TELO2: variants seen among roughly 807,000 people sequenced by gnomAD.
TELO2 encodes telomere length regulation protein TEL2 homolog.
A neutral mutation model predicts 91.0 loss-of-function variants in TELO2; 71 were observed. The ratio of observed to expected loss-of-function variants is 0.78; its 90% confidence interval spans 0.64 to 0.95. The LOEUF is 0.95. TELO2 is among the 40% of genes least tolerant of loss of function. TELO2 has a pLI of 0.00. For synonymous variants in TELO2, 584 were observed against 518.9 expected (o/e 1.13, Z -1.71); for missense variants, 1,183 against 1,141.3 (o/e 1.04, Z -0.53).
Position 1,509,849 on chromosome 16 carries a change from G to A in TELO2, c.2427G>A (p.Pro809=), listed in dbSNP as rs1459064707. 3.0e-5 allele frequency: 48 copies of A among 1,612,224 alleles called. No individual in the cohort carries two copies. Among genetic ancestry groups the A allele is most frequent in the Non-Finnish European group, 3.1e-5 (36 of 1,179,740 alleles). The change falls in exon 21 of 21, where the codon CCG becomes CCA. Residue 809 remains proline, a synonymous_variant. Transcript: ENST00000262319. ...SWLADVAEKD[P]DEDCRTLALR... is the part of the protein sequence containing the mutation. ...TGGCAGACGTGGCTGAGAAAGACCC[G>A]GACGAGGACTGCAGGACGCTGGCAC...
Position 1,497,375 on chromosome 16 carries a change from G to T in TELO2, c.697G>T (p.Val233Leu). 6.5e-7 allele frequency: 1 copy of T among 1,548,134 alleles called. No individual in the cohort carries two copies. The highest frequency in any genetic ancestry group is 8.7e-7 in the Non-Finnish European group (1 of 1,145,990). ...TGTCCCCTCAGAGGAGATCCTGGGCGTGCTGGTACCCCGGCTGGCAGCGCT... is the reference window on the plus strand; with the variant it reads ...TGTCCCCTCAGAGGAGATCCTGGGCTTGCTGGTACCCCGGCTGGCAGCGCT... ...VHGRQQEILGVLVPRLAALTQ... is the reference protein window; with the variant it reads ...VHGRQQEILGLLVPRLAALTQ... Residue 233 changes from valine to leucine, a missense_variant, in exon 5 of 21, where the codon GTG (valine) becomes TTG (leucine). Physicochemically the swap from Val to Leu is conservative, Grantham distance 32 (BLOSUM62 1). Transcript: ENST00000262319. This position sits in a 1 kb window ranked among gnomAD's most constrained non-coding sequence, Gnocchi z 4.0.
intron 11 of TELO2, 33 bp from the exon 12 acceptor site, chr16:1,502,014 T>C (rs761173681): frequency 2.0e-5 from 32 of 1,612,696 alleles, no homozygotes; most frequent in Middle Eastern, 1.6e-4. Context: ...TCACAGGCCA[T>C]GGGCTGCTCA....
At chr16:1,506,070 C>T (rs766354471) in intron 16 of TELO2, among the ~76,000 whole-genome samples, 168 bp from the exon 17 acceptor site, 3 of 152,228 alleles carry the variant, frequency 2.0e-5, no homozygotes, top group Non-Finnish European at 2.9e-5. Flanking sequence ...GCCTGAGTCC[C>T]GTCACCAACC....
Position 1,507,418 on chromosome 16 carries a change from A to G in TELO2, c.2291+48A>G, listed in dbSNP as rs761847626. The G allele has an allele frequency of 6.2e-6, 10 of 1,601,460 alleles. No homozygotes were observed. The South Asian group carries it at 9.9e-5, about 16-fold the overall frequency. ...CCAGGCCAGGGGTGCAGGCAGACACAGGGGTCTTATTGTGGGGGCCCCGTG... is the reference window on the plus strand; with the variant it reads ...CCAGGCCAGGGGTGCAGGCAGACACGGGGGTCTTATTGTGGGGGCCCCGTG... On this transcript the variant is annotated intron_variant, in intron 19 of 20. Coordinates refer to ENST00000262319, the MANE Select transcript of TELO2 (RefSeq NM_016111.4).
At chr16:1,506,653 C>T in intron 17 of TELO2, 8 of 1,375,612 alleles carry the variant, frequency 5.8e-6, no homozygotes, top group Non-Finnish European at 7.5e-6. Context: ...TGCACTGGCC[C>T]CACGTTCAGG....
In TELO2 at chr16:1,496,061, G is replaced by A. The variant is rs1020956519; in HGVS notation, c.613+438G>A. 2.6e-5 allele frequency among the ~76,000 whole-genome samples: 4 copies of A among 152,384 alleles called. No homozygotes were observed. The South Asian group carries it at 8.3e-4, about 32-fold the overall frequency. ...GCTGCCGCGAGTGTGCGTTTCACTA[G>A]CGAGAAGGAGGCTGGGCCGGGGGCC... On this transcript the variant is annotated intron_variant, in intron 3 of 20. Transcript: ENST00000262319.
rs148873855 is a variant in TELO2 at position 1,501,490 on chromosome 16, C to T, written c.1352C>T (p.Ser451Leu). The T allele has an allele frequency of 2.4e-5, 38 of 1,608,996 alleles. No homozygotes were observed. Among genetic ancestry groups the T allele is most frequent in the Admixed American group, 6.7e-5 (4 of 59,606 alleles). ...CCCCAGCCTGCGGGTGACGGCGCCT[C>T]GGAGGCGGGGTGAGGGTCTCTGCCC... ...ASPQPAGDGA[S>L]EAGTSLVPAT... The change falls in exon 10 of 21, where the codon TCG (serine) becomes TTG (leucine). Residue 451 changes from serine to leucine, a missense_variant. Transcript: ENST00000262319.
chr16:1,505,674 C>A lies in TELO2; in HGVS notation c.2034+73C>A. On this transcript the variant is annotated intron_variant, in intron 16 of 20. Transcript: ENST00000262319. The surrounding 1 kb of genome is among the most constrained non-coding windows in gnomAD (Gnocchi z 4.3). ...GGTGGGAAGGGCGGTCAGACACCTCCAGGCGCTGTCTGCAGCGAGGGGCGG... is the reference window on the plus strand; with the variant it reads ...GGTGGGAAGGGCGGTCAGACACCTCAAGGCGCTGTCTGCAGCGAGGGGCGG... 6.6e-7 allele frequency: 1 copy of A among 1,510,392 alleles called. No individual in the cohort carries two copies. Among genetic ancestry groups the A allele is most frequent in the Non-Finnish European group, 8.9e-7 (1 of 1,124,308 alleles). 93.6% of individuals were successfully genotyped at this position (1,510,392 alleles called of 1,614,324 possible).
chr16:1,500,186 G>A (rs372865167), intron 7 of TELO2, 22 bp downstream of exon 7: 61 of 1,588,270 alleles, frequency 3.8e-5, no homozygotes, highest in Middle Eastern at 2.1e-4. Context: ...CTGGCTCTCC[G>A]TCCCTGCGAG....
In TELO2 at chr16:1,505,610, C is replaced by G. The variant is rs763009551; in HGVS notation, c.2034+9C>G. 1 of 1,600,120 alleles carries G rather than the reference C, an allele frequency of 6.2e-7. No homozygotes were observed. Among genetic ancestry groups the G allele is most frequent in the Non-Finnish European group, 8.5e-7 (1 of 1,172,766 alleles). ...CCCAGCGGCTCTCCAAGGTTAGTGGCGCCTGGTCAGCTCCTCACGGGCATG... is the reference window on the plus strand; with the variant it reads ...CCCAGCGGCTCTCCAAGGTTAGTGGGGCCTGGTCAGCTCCTCACGGGCATG... On this transcript the variant is annotated intron_variant, in intron 16 of 20. Transcript: ENST00000262319. The surrounding 1 kb of genome is among the most constrained non-coding windows in gnomAD (Gnocchi z 4.3).
rs1372906853 is a variant in TELO2, at chr16:1,507,382, G to C, written c.2291+12G>C. The C allele has an allele frequency of 1.2e-6, 2 of 1,609,556 alleles. No homozygotes were observed. The highest frequency in any genetic ancestry group is 1.1e-5 in the South Asian group (1 of 91,028). On this transcript the variant is annotated intron_variant, in intron 19 of 20. Transcript: ENST00000262319. The stretch of plus-strand genomic sequence containing the variant: ...TTCCACATCGATGCGTGAGTGGCCT[G>C]TGGGGCTGGGCCAGGCCAGGGGTGC...
rs1191025937 is a variant in TELO2, at chr16:1,494,677, G to T, written c.335+61G>T. 1.3e-6 allele frequency: 2 copies of T among 1,510,988 alleles called. No homozygotes were observed. The highest frequency in any genetic ancestry group is 1.8e-6 in the Non-Finnish European group (2 of 1,121,800). The allele number at this position is 1,510,988 out of a possible 1,614,324, so 93.6% of individuals were successfully genotyped here. A position where few individuals can be genotyped will look rare whatever the true frequency, so the allele number is the denominator to read the frequency against. ...GCCTCAGAAGTGATGAGAGTGGCTT[G>T]AAGGACTGGACCAAGAGCCTCTCTA... On this transcript the variant is annotated intron_variant, in intron 2 of 20. Transcript: ENST00000262319. This position sits in a 1 kb window ranked among gnomAD's most constrained non-coding sequence, Gnocchi z 5.6.
chr16:1,503,536 G>A (rs1188303799), intron 15 of TELO2, among the ~76,000 whole-genome samples: 1 of 152,166 alleles, frequency 6.6e-6, no homozygotes, highest in Non-Finnish European at 1.5e-5. Flanking sequence ...GGTGAGAGAG[G>A]GAGACACTGT....
In TELO2 at chr16:1,505,571, G is replaced by T; in HGVS notation, c.2004G>T (p.Arg668=). 1 of 1,571,048 alleles carries T rather than the reference G, an allele frequency of 6.4e-7. No individual in the cohort carries two copies. ...ACTGGCGGGTGGTGGTGGAGGAGCG[G>T]ATCAGAAGCAAGACCCAGCGGCTCT... The part of the protein sequence containing the change: ...ASDWRVVVEE[R]IRSKTQRLSK... The change falls in exon 16 of 21, where the codon CGG becomes CGT. Residue 668 remains arginine, a synonymous_variant. Coordinates refer to ENST00000262319, the MANE Select transcript of TELO2 (RefSeq NM_016111.4). The surrounding 1 kb of genome is among the most constrained non-coding windows in gnomAD (Gnocchi z 4.3).
At position 1,506,115 on chromosome 16, in the gene TELO2, G is replaced by C. The variant is rs1186576285; in HGVS notation, c.2035-123G>C. 8 of 1,086,792 alleles carry C rather than the reference G, an allele frequency of 7.4e-6. No individual in the cohort carries two copies. In the East Asian group the frequency reaches 1.9e-4, roughly 26 times the overall value. The allele number at this position is 1,086,792 out of a possible 1,614,324, so 67.3% of individuals were successfully genotyped here. The stretch of plus-strand genomic sequence containing the variant: ...CTGGGAGCTGGGCGGGGCCGGAAGA[G>C]TAGCCCGGGGAGGCAAGGCGAGGCT... On this transcript the variant is annotated intron_variant, in intron 16 of 20. Transcript: ENST00000262319.
intron 16 of TELO2, 67 bp from the exon 17 acceptor site, chr16:1,506,171 G>C (rs1014881806): frequency 1.3e-6 from 2 of 1,556,884 alleles, no homozygotes; most frequent in East Asian, 2.2e-5. Context: ...GGATCCTCTC[G>C]GGCTAGGGGT....
Position 1,497,409 on chromosome 16 carries a change from G to C in TELO2, c.731G>C (p.Gly244Ala). ...LVPRLAALTQ[G>A]SYLHQRVCWR... ...CCCCGGCTGGCAGCGCTCACCCAGG[G>C]CAGCTACCTGCACCAGCGCGTCTGC... The change falls in exon 5 of 21, where the codon GGC becomes GCC. Residue 244 changes from glycine (G) to alanine (A), a missense_variant. Transcript: ENST00000262319. This position sits in a 1 kb window ranked among gnomAD's most constrained non-coding sequence, Gnocchi z 4.0. 6.4e-7 allele frequency: 1 copy of C among 1,552,638 alleles called. No individual in the cohort carries two copies. Among genetic ancestry groups the C allele is most frequent in the Non-Finnish European group, 8.7e-7 (1 of 1,148,494 alleles).
At chr16:1,501,796 G>A (rs1254141123) in intron 11 of TELO2, 23 bp downstream of exon 11, 11 of 1,598,690 alleles carry the variant, frequency 6.9e-6, no homozygotes, top group Non-Finnish European at 8.5e-6. Flanking sequence ...CCACCCCAGT[G>A]GGCAGCGTGC....
chr16:1,496,079 C>G (rs1432239322), intron 3 of TELO2, among the ~76,000 whole-genome samples: 1 of 152,234 alleles, frequency 6.6e-6, no homozygotes, highest in Non-Finnish European at 1.5e-5. Flanking sequence ...GAGGCTGGGC[C>G]GGGGGCCTGC....
Sources: allele counts gnomAD v4.1 joint callset (sites outside exome capture counted in the v4.1 genomes callset), GRCh38; gene constraint gnomAD v4.1.1; non-coding constraint Gnocchi (gnomAD v3.1); transcripts MANE v1.5; gene names NCBI Gene and HGNC (gene_info 2026-07-23, HGNC 2026-07-21).